Variants in PTPRG observed in about 807,000 individuals in gnomAD.
PTPRG encodes the protein protein tyrosine phosphatase receptor type G.
In PTPRG, 102 loss-of-function variants were observed where a neutral mutation model predicts 165.3. That is an observed-to-expected ratio of 0.62 (90% confidence interval 0.53 to 0.73). The LOEUF is 0.73. Ranked by LOEUF, PTPRG falls within the 30% of genes least tolerant of loss-of-function variation. The pLI is 0.00. For missense variants in PTPRG, 1,866 were observed against 1,861.4 expected (o/e 1.00, Z -0.05); for synonymous variants, 675 against 669.5 (o/e 1.01, Z -0.13).
At chr3:62,154,452 G>C (rs1038002787) in intron 6 of PTPRG, among the ~76,000 whole-genome samples, 2 of 152,196 alleles carry the variant, frequency 1.3e-5, no homozygotes, top group Non-Finnish European at 2.9e-5. Context: ...TGAGTTTGCA[G>C]CAGGGGTCAC....
chr3:61,817,018 C>G (rs11713939), intron 2 of PTPRG, among the ~76,000 whole-genome samples: 5 of 82,802 alleles, frequency 6.0e-5, no homozygotes, highest in Admixed American at 4.6e-4. Flanking sequence ...AATATATATA[C>G]TATATAATAT....
At chr3:61,948,060 C>G (rs1001160168) in intron 2 of PTPRG, among the ~76,000 whole-genome samples, 6 of 152,164 alleles carry the variant, frequency 3.9e-5, no homozygotes, top group African/African-American at 1.4e-4. Flanking sequence ...CGCAGTGGCT[C>G]AAGCCTGTAA....
At chr3:61,588,328 T>G (rs1280807086) in intron 1 of PTPRG, among the ~76,000 whole-genome samples, 5 of 152,130 alleles carry the variant, frequency 3.3e-5, no homozygotes, top group Non-Finnish European at 7.3e-5. Context: ...TGTACTCTTA[T>G]ACTGATGTTA....
intron 2 of PTPRG, among the ~76,000 whole-genome samples, chr3:61,833,588 A>T (rs1481149010): frequency 6.6e-6 from 1 of 151,928 alleles, no homozygotes; most frequent in Non-Finnish European, 1.5e-5. Flanking sequence ...TTTGGAGACA[A>T]GTCTCACTCT....
intron 2 of PTPRG, among the ~76,000 whole-genome samples, chr3:61,756,436 A>G (rs1393841249): frequency 6.6e-6 from 1 of 152,262 alleles, no homozygotes; most frequent in Non-Finnish European, 1.5e-5. Flanking sequence ...AACTTTATGT[A>G]CAAAGGAGAA....
chr3:61,713,164 G>GT (rs71100971), intron 1 of PTPRG, among the ~76,000 whole-genome samples: 2,405 of 111,750 alleles, frequency 0.022, 37 homozygotes, highest in African/African-American at 0.042. Context: ...CATCAAATAT[G>GT]TTTTTTTTTT....
In PTPRG at chr3:62,042,251, T is replaced by G. The variant is rs1339920473; in HGVS notation, c.520-35912T>G. On this transcript the variant is annotated intron_variant, in intron 4 of 29. Transcript: ENST00000474889. ...AACAGTAGTATTTCCAGCCTTGCCC[T>G]GGCCTGTCATAAAGCCATGCCCAGC... Among the ~76,000 whole-genome samples, 6 of 152,168 alleles carry G rather than the reference T, an allele frequency of 3.9e-5. No individual in the cohort carries two copies. The East Asian group carries it at 1.2e-3, about 29-fold the overall frequency.
rs1699975227 is a variant in PTPRG at position 62,037,236 on chromosome 3, C to G, written c.519+33739C>G. Among the ~76,000 whole-genome samples the G allele has an allele frequency of 2.0e-5, 3 of 152,266 alleles. No homozygotes were observed. The South Asian group carries it at 6.2e-4, about 32-fold the overall frequency. ...TGGCCCCATAGGTCATATAAGGATACATTTGCTCATATGGAAACAAGTTAT... is the reference window on the plus strand; with the variant it reads ...TGGCCCCATAGGTCATATAAGGATAGATTTGCTCATATGGAAACAAGTTAT... On this transcript the variant is annotated intron_variant, in intron 4 of 29. Coordinates refer to ENST00000474889, the MANE Select transcript of PTPRG (RefSeq NM_002841.4).
intron 2 of PTPRG, among the ~76,000 whole-genome samples, chr3:61,973,627 T>C (rs1269439061): frequency 6.6e-6 from 1 of 151,666 alleles, no homozygotes; most frequent in Admixed American, 6.6e-5. Flanking sequence ...AGGTCAGGAG[T>C]TTGAGAACAG....
intron 2 of PTPRG, among the ~76,000 whole-genome samples, chr3:61,974,450 G>A (rs1482755779): frequency 6.6e-6 from 1 of 152,022 alleles, no homozygotes. Flanking sequence ...CTACTCGGGA[G>A]GCTGAGGCAG....
intron 2 of PTPRG, among the ~76,000 whole-genome samples, chr3:61,984,549 T>A (rs992938641): frequency 6.6e-6 from 1 of 152,158 alleles, no homozygotes; most frequent in Admixed American, 6.5e-5. Flanking sequence ...AAATTTAACT[T>A]ATTTAACACA....
chr3:61,853,701 G>C (rs2037027639), intron 2 of PTPRG, among the ~76,000 whole-genome samples: 1 of 152,162 alleles, frequency 6.6e-6, no homozygotes, highest in African/African-American at 2.4e-5. Context: ...AGTTTTGGGG[G>C]ATTTAGTTAC....
At chr3:61,976,824 C>T (rs1477666627) in intron 2 of PTPRG, among the ~76,000 whole-genome samples, 2 of 151,622 alleles carry the variant, frequency 1.3e-5, no homozygotes, top group Non-Finnish European at 2.9e-5. Flanking sequence ...TACAGGCGCC[C>T]ACCATCATGC....
chr3:62,047,364 A>G (rs572501412), intron 4 of PTPRG, among the ~76,000 whole-genome samples: 1 of 151,980 alleles, frequency 6.6e-6, no homozygotes, highest in Non-Finnish European at 1.5e-5. Flanking sequence ...GGTTCAAGCA[A>G]TTCTCATGCT....
intron 1 of PTPRG, among the ~76,000 whole-genome samples, chr3:61,616,596 C>T (rs1464799867): frequency 6.6e-6 from 1 of 152,174 alleles, no homozygotes; most frequent in African/African-American, 2.4e-5. Context: ...GCCCTTCTCC[C>T]TGCCATATAG....
intron 4 of PTPRG, among the ~76,000 whole-genome samples, chr3:62,062,511 A>C (rs1700850246): frequency 6.6e-6 from 1 of 152,198 alleles, no homozygotes; most frequent in South Asian, 2.1e-4. Flanking sequence ...GGGAAAATCT[A>C]ATTAATGAGG....
intron 2 of PTPRG, among the ~76,000 whole-genome samples, chr3:61,930,483 G>T (rs1012137308): frequency 6.6e-6 from 1 of 152,172 alleles, no homozygotes; most frequent in African/African-American, 2.4e-5. Flanking sequence ...CTTTTGGGAT[G>T]TAGACCTGCA....
At position 62,210,931 on chromosome 3, in the gene PTPRG, C is replaced by G. The variant is rs1700344178; in HGVS notation, c.2155+6981C>G. Among the ~76,000 whole-genome samples the G allele has an allele frequency of 6.6e-6, 1 of 152,152 alleles. No individual in the cohort carries two copies. The highest frequency in any genetic ancestry group is 2.1e-4 in the South Asian group (1 of 4,826). ...ATTAGCAGGAAAGCTTTTGGAGACT[C>G]AAAAGTTATACATGAATTTCTGACT... On this transcript the variant is annotated intron_variant, in intron 12 of 29. Coordinates refer to ENST00000474889, the MANE Select transcript of PTPRG (RefSeq NM_002841.4). The surrounding 1 kb of genome is among the most constrained non-coding windows in gnomAD (Gnocchi z 4.1).
rs781571322 is a variant in PTPRG at position 61,989,779 on chromosome 3, C to G, written c.345C>G (p.Thr115=). 2 of 1,614,038 alleles carry G rather than the reference C, an allele frequency of 1.2e-6. No individual in the cohort carries two copies. Among genetic ancestry groups the G allele is most frequent in the East Asian group, 4.5e-5 (2 of 44,874 alleles). Residue 115 remains threonine (T), a synonymous_variant, in exon 3 of 30, where the codon ACC becomes ACG. Coordinates refer to ENST00000474889, the MANE Select transcript of PTPRG (RefSeq NM_002841.4). ...TCGACAATGAGTCTTCTAACAAAAC[C>G]TGGATGAAAAACACAGGGAAAACAG... The part of the protein sequence containing the change: ...DGFDNESSNK[T]WMKNTGKTVA...
Sources: allele counts gnomAD v4.1 joint callset (sites outside exome capture counted in the v4.1 genomes callset), GRCh38; gene constraint gnomAD v4.1.1; non-coding constraint Gnocchi (gnomAD v3.1); transcripts MANE v1.5; gene names NCBI Gene and HGNC (gene_info 2026-07-23, HGNC 2026-07-21).